SORCS2: variants seen among roughly 807,000 people sequenced by gnomAD.
The protein encoded by SORCS2 is VPS10 domain-containing receptor SorCS2.
A neutral mutation model predicts 141.6 loss-of-function variants in SORCS2; 100 were observed. That is an observed-to-expected ratio of 0.71 (90% CI 0.60 to 0.83). The LOEUF (loss-of-function observed/expected upper bound fraction) is 0.83. Ranked by LOEUF, SORCS2 falls within the 40% of genes least tolerant of loss-of-function variation. The pLI, the probability that SORCS2 is intolerant of heterozygous loss-of-function variation, is 0.00. For synonymous variants in SORCS2, 789 were observed against 676.9 expected, an observed-to-expected ratio of 1.17 and a Z score of -2.57; for missense variants, 1,646 against 1,560.2, an observed-to-expected ratio of 1.05 and a Z score of -0.93.
chr4:7,583,251 C>G (rs28433536), intron 3 of SORCS2, among the ~76,000 whole-genome samples: 14,357 of 152,144 alleles, frequency 0.094, 845 homozygotes, highest in African/African-American at 0.16. Context: ...TTCTCATGAG[C>G]TTAAAGGCAC....
chr4:7,208,832 G>A (rs1239950635), intron 1 of SORCS2, among the ~76,000 whole-genome samples: 1 of 152,212 alleles, frequency 6.6e-6, no homozygotes, highest in Admixed American at 6.5e-5. Flanking sequence ...GCACAGAGAG[G>A]GACTCTGAGA....
chr4:7,244,139 TC>T (rs1277465547), intron 1 of SORCS2, among the ~76,000 whole-genome samples: 1 of 152,092 alleles, frequency 6.6e-6, no homozygotes, highest in Non-Finnish European at 1.5e-5. Flanking sequence ...AAGGGGCGGC[TC>T]CCCTGGGAAC....
rs533661801 is a variant in SORCS2, at chr4:7,236,701, C to T, written c.480+43575C>T. Among the ~76,000 whole-genome samples, 7 of 152,282 alleles carry T rather than the reference C, an allele frequency of 4.6e-5. No homozygotes were observed. The South Asian group carries it at 1.5e-3, about 32-fold the overall frequency. On this transcript the variant is annotated intron_variant, in intron 1 of 26. Transcript: ENST00000507866. ...GGTTTAAGCGATTCTCCTTCCTCAG[C>T]CTCCTGAGTAGCTGGGACTACAGGC...
At chr4:7,195,102 C>T (rs746040706) in intron 1 of SORCS2, among the ~76,000 whole-genome samples, 74 of 149,998 alleles carry the variant, frequency 4.9e-4, no homozygotes, top group African/African-American at 1.6e-3. Flanking sequence ...TGGCTTTGCT[C>T]CTTGAGGGCG....
intron 1 of SORCS2, among the ~76,000 whole-genome samples, chr4:7,313,912 AGGAGTGGTGG>A (rs1718369313): frequency 6.6e-6 from 1 of 152,198 alleles, no homozygotes; most frequent in Non-Finnish European, 1.5e-5. Context: ...CATTGAGGGC[AGGAGTGGTGG>A]CATCTTCATC....
At chr4:7,419,464 A>G (rs552840941) in intron 2 of SORCS2, among the ~76,000 whole-genome samples, 2 of 152,296 alleles carry the variant, frequency 1.3e-5, no homozygotes, top group East Asian at 3.9e-4. Context: ...GGTTATAGCA[A>G]TGGGCCTTGT....
intron 3 of SORCS2, among the ~76,000 whole-genome samples, chr4:7,567,898 T>C (rs59289319): frequency 0.073 from 11,156 of 152,286 alleles, 663 homozygotes; most frequent in African/African-American, 0.16. Context: ...ATTTTATTGT[T>C]TAAGCCATTC....
intron 24 of SORCS2, 100 bp from the exon 25 acceptor site, chr4:7,734,172 G>A: frequency 1.3e-6 from 1 of 751,490 alleles, no homozygotes; most frequent in Admixed American, 2.6e-5. Flanking sequence ...ATGGGCGGGG[G>A]ACAGGCTGGG....
chr4:7,719,732 GA>G (rs201516993), intron 18 of SORCS2, among the ~76,000 whole-genome samples: 8 of 152,100 alleles, frequency 5.3e-5, no homozygotes, highest in Non-Finnish European at 1.2e-4. Context: ...CGACTTCCAG[GA>G]AAAAAATGGC....
At chr4:7,486,391 C>G (rs1017120907) in intron 2 of SORCS2, among the ~76,000 whole-genome samples, 1 of 47,880 alleles carries the variant, frequency 2.1e-5, no homozygotes, top group Non-Finnish European at 4.8e-5. Flanking sequence ...CCACCACACA[C>G]GGGGCAGGAT....
chr4:7,595,716 C>T (rs1256017561), intron 3 of SORCS2, among the ~76,000 whole-genome samples: 2 of 152,182 alleles, frequency 1.3e-5, no homozygotes, highest in African/African-American at 4.8e-5. Context: ...GGCACTTACT[C>T]AGTGTTCAGT....
chr4:7,438,597 T>G (rs896119466), intron 2 of SORCS2, among the ~76,000 whole-genome samples: 1 of 152,068 alleles, frequency 6.6e-6, no homozygotes, highest in Non-Finnish European at 1.5e-5. Context: ...AAGCTTTATC[T>G]CCCCTTCCTC....
intron 23 of SORCS2, among the ~76,000 whole-genome samples, chr4:7,730,843 A>G (rs982048050): frequency 6.6e-6 from 1 of 152,216 alleles, no homozygotes; most frequent in Non-Finnish European, 1.5e-5. Flanking sequence ...ATATACTACA[A>G]TGCATTAAAT....
intron 1 of SORCS2, among the ~76,000 whole-genome samples, chr4:7,386,203 TTGCACACAC>T (rs1435159173): frequency 2.8e-5 from 3 of 106,914 alleles, no homozygotes; most frequent in Non-Finnish European, 5.7e-5. Flanking sequence ...ACATACACAT[TTGCACACAC>T]GCACACACAT....
chr4:7,326,818 G>A (rs1421635879), intron 1 of SORCS2, among the ~76,000 whole-genome samples: 3 of 152,254 alleles, frequency 2.0e-5, no homozygotes, highest in Admixed American at 6.5e-5. Flanking sequence ...GGCAGGAAGC[G>A]CTGCCGGCCG....
intron 1 of SORCS2, among the ~76,000 whole-genome samples, chr4:7,217,079 G>A (rs949822956): frequency 1.5e-5 from 2 of 133,336 alleles, no homozygotes; most frequent in Non-Finnish European, 3.2e-5. Flanking sequence ...TTAGCCTAAA[G>A]TCTTTCAGAG....
Position 7,305,131 on chromosome 4 carries a change from G to A in SORCS2, c.481-91157G>A, listed in dbSNP as rs529751829. Among the ~76,000 whole-genome samples the A allele has an allele frequency of 5.0e-3, 755 of 151,262 alleles. 4 individuals carry two copies. The highest frequency in any genetic ancestry group is 0.015 in the African/African-American group (606 of 41,132). On this transcript the variant is annotated intron_variant, in intron 1 of 26. Coordinates refer to ENST00000507866, the MANE Select transcript of SORCS2 (RefSeq NM_020777.3). ...ACTGCAAGCTCCGCCTCCCGGGTTC[G>A]TGCCATTCTCCTGCCTCAGCCTCCC...
At chr4:7,529,620 G>C (rs954545649) in intron 2 of SORCS2, among the ~76,000 whole-genome samples, 3 of 152,186 alleles carry the variant, frequency 2.0e-5, no homozygotes, top group African/African-American at 7.2e-5. Flanking sequence ...TCGATAGGCA[G>C]GTCTTGGAGA....
chr4:7,238,723 T>G lies in SORCS2; in HGVS notation c.480+45597T>G, dbSNP rs531653451. Among the ~76,000 whole-genome samples the G allele has an allele frequency of 2.6e-5, 4 of 152,310 alleles. No individual in the cohort carries two copies. The East Asian group carries it at 7.7e-4, about 29-fold the overall frequency. On this transcript the variant is annotated intron_variant, in intron 1 of 26. Coordinates refer to ENST00000507866, the MANE Select transcript of SORCS2 (RefSeq NM_020777.3). ...GCGTGTGTCTGGGTTTGAATCCAGC[T>G]CCTCCTGTCACTAGCTTGGTGCTTC...
Sources: allele counts gnomAD v4.1 joint callset (sites outside exome capture counted in the v4.1 genomes callset), GRCh38; gene constraint gnomAD v4.1.1; transcripts MANE v1.5; gene names NCBI Gene and HGNC (gene_info 2026-07-23, HGNC 2026-07-21).